Variants in MGLL observed in about 807,000 individuals in gnomAD.
MGLL encodes monoglyceride lipase.
In MGLL, 7 loss-of-function variants were observed where a neutral mutation model predicts 29.1. The observed-to-expected ratio is 0.24, with a 90% CI of 0.14 to 0.45. The LOEUF (loss-of-function observed/expected upper bound fraction) is 0.45, where lower values mean the gene tolerates loss of function less well. Ranked by LOEUF, MGLL falls within the 20% of genes least tolerant of loss-of-function variation. The probability of loss-of-function intolerance (pLI) is 0.99; values close to 1 mark genes in which losing one functional copy is unlikely to be tolerated. For missense variants in MGLL, 356 were observed against 413.6 expected (o/e 0.86, Z 1.21); for synonymous variants, 148 against 168.3 (o/e 0.88, Z 0.93).
chr3:127,735,597 TA>T, intron 3 of MGLL: 3 of 1,210,256 alleles, frequency 2.5e-6, no homozygotes, highest in South Asian at 1.6e-5. Context: ...ACACATAAAA[TA>T]AAAAAGCAAG....
chr3:127,699,888 CA>C (rs1392142741), intron 6 of MGLL, among the ~76,000 whole-genome samples: 1 of 152,212 alleles, frequency 6.6e-6, no homozygotes, highest in Non-Finnish European at 1.5e-5. Context: ...CTTCTGGGCA[CA>C]GACAGGCATG....
rs1230621820 is a variant in MGLL at position 127,761,959 on chromosome 3, C to A, written c.262+19830G>T. Among the ~76,000 whole-genome samples the A allele has an allele frequency of 6.6e-6, 1 of 151,836 alleles. No homozygotes were observed. Among genetic ancestry groups the A allele is most frequent in the Non-Finnish European group, 1.5e-5 (1 of 67,944 alleles). ...CCTTTACCTCTAACAGGGGAGAAAC[C>A]AAGACACCGAGAACACAGCTTAATA... On this transcript the variant is annotated intron_variant, in intron 3 of 7. Transcript: ENST00000265052. The surrounding 1 kb of genome is among the most constrained non-coding windows in gnomAD (Gnocchi z 4.6).
chr3:127,698,879 C>T (rs1309276307), intron 6 of MGLL, among the ~76,000 whole-genome samples: 4 of 152,242 alleles, frequency 2.6e-5, no homozygotes, highest in Non-Finnish European at 5.9e-5. Context: ...CGCCACCTTC[C>T]TGTTTGGCTC....
chr3:127,822,385 G>A lies in MGLL; in HGVS notation c.-67C>T, dbSNP rs2077878441. 3.5e-5 allele frequency: 55 copies of A among 1,578,318 alleles called. 2 individuals are homozygous for A. In the South Asian group the frequency reaches 6.0e-4, roughly 17 times the overall value. The stretch of plus-strand genomic sequence containing the variant: ...GAATCAGAACCAGGCAAATCGGGCT[G>A]TTCCCTCATCTGGGCGGCCCCAAGG... On this transcript the variant is annotated 5_prime_UTR_variant, in exon 1 of 8. An upstream open reading frame in the 5' UTR gains an earlier in-frame stop. Coordinates refer to ENST00000265052, the MANE Select transcript of MGLL (RefSeq NM_007283.7).
intron 2 of MGLL, among the ~76,000 whole-genome samples, chr3:127,810,319 T>G (rs972850228): frequency 1.3e-5 from 2 of 151,700 alleles, no homozygotes; most frequent in African/African-American, 4.8e-5. Flanking sequence ...CCCAGCAGAG[T>G]AGACAACAGC....
chr3:127,720,979 G>T, intron 5 of MGLL, 74 bp downstream of exon 5: 1 of 1,321,332 alleles, frequency 7.6e-7, no homozygotes, highest in Non-Finnish European at 1.1e-6. Context: ...TTTTTACATA[G>T]ACTCAGGCTA....
At chr3:127,768,170 TC>T (rs1311629457) in intron 3 of MGLL, among the ~76,000 whole-genome samples, 1 of 152,316 alleles carries the variant, frequency 6.6e-6, no homozygotes, top group Admixed American at 6.5e-5. Context: ...TTAAAATCCT[TC>T]CCGTAAAGAA....
chr3:127,803,804 G>A (rs1014774715), intron 2 of MGLL, among the ~76,000 whole-genome samples: 8 of 152,072 alleles, frequency 5.3e-5, no homozygotes, highest in African/African-American at 1.9e-4. Flanking sequence ...TCATTCCCTC[G>A]TTCATCCCAT....
intron 3 of MGLL, among the ~76,000 whole-genome samples, chr3:127,752,189 T>C (rs2076571899): frequency 2.0e-5 from 3 of 152,042 alleles, no homozygotes; most frequent in Admixed American, 6.5e-5. Context: ...CTCTGCCTCC[T>C]GGGTTCAAGA....
At chr3:127,695,261 G>A (rs570928858) in intron 6 of MGLL, 71 bp from the exon 7 acceptor site, 137 of 1,488,268 alleles carry the variant, frequency 9.2e-5, no homozygotes, top group Non-Finnish European at 1.2e-4. Flanking sequence ...CTATTTCCTG[G>A]TAGCTTTTCC....
In MGLL at chr3:127,805,163, T is replaced by C. The variant is rs181757456; in HGVS notation, c.155+16531A>G. ...TAAGAATGTGCTGGGCTCCATCTTA[T>C]GTAACATTCATTTTCTTTCCTGGAA... On this transcript the variant is annotated intron_variant, in intron 2 of 7. Transcript: ENST00000265052. 1.2e-3 allele frequency among the ~76,000 whole-genome samples: 178 copies of C among 152,344 alleles called. 1 individual carries two copies. The highest frequency in any genetic ancestry group is 3.7e-3 in the African/African-American group (154 of 41,578).
At chr3:127,809,544 T>G (rs1458976170) in intron 2 of MGLL, among the ~76,000 whole-genome samples, 1 of 152,070 alleles carries the variant, frequency 6.6e-6, no homozygotes, top group Non-Finnish European at 1.5e-5. Context: ...GAGGATCACC[T>G]GAGCCCAGGA....
chr3:127,800,471 A>G (rs1234039980), intron 2 of MGLL, among the ~76,000 whole-genome samples: 1 of 152,202 alleles, frequency 6.6e-6, no homozygotes, highest in Non-Finnish European at 1.5e-5. Flanking sequence ...CTGTTTCTTC[A>G]TCTGTGAAAT....
intron 5 of MGLL, chr3:127,714,284 A>G (rs2075774126): frequency 1.3e-5 from 2 of 152,182 alleles, no homozygotes; most frequent in African/African-American, 4.8e-5. Flanking sequence ...CTATTGCTGA[A>G]AGCGCAAACA....
chr3:127,751,536 C>T (rs184421860), intron 3 of MGLL, among the ~76,000 whole-genome samples: 4 of 152,050 alleles, frequency 2.6e-5, no homozygotes, highest in Admixed American at 6.5e-5. Context: ...GACACAGCTG[C>T]CATGCGACCT....
chr3:127,803,922 C>T (rs1345522848), intron 2 of MGLL, among the ~76,000 whole-genome samples: 2 of 152,178 alleles, frequency 1.3e-5, no homozygotes, highest in African/African-American at 4.8e-5. Context: ...TGGCTCAGGG[C>T]TCTTGAGTGT....
chr3:127,748,077 G>A (rs375263752), intron 3 of MGLL, among the ~76,000 whole-genome samples: 8 of 152,154 alleles, frequency 5.3e-5, no homozygotes, highest in East Asian at 1.9e-4. Flanking sequence ...CAAGAGACTC[G>A]GAGCATTCTA....
chr3:127,803,725 C>T (rs2077518205), intron 2 of MGLL, among the ~76,000 whole-genome samples: 1 of 152,148 alleles, frequency 6.6e-6, no homozygotes, highest in African/African-American at 2.4e-5. Context: ...CTGGTTGTGC[C>T]TGGGATGAGT....
intron 5 of MGLL, chr3:127,715,693 A>G (rs546327505): frequency 2.6e-4 from 117 of 456,746 alleles, no homozygotes; most frequent in Middle Eastern, 6.5e-4. Context: ...TTGAGGCGGC[A>G]TGACGAGGAA....
Sources: gnomAD v4.1 joint callset for allele counts (sites outside exome capture counted in the v4.1 genomes callset) on GRCh38, gnomAD v4.1.1 for gene constraint, Gnocchi (gnomAD v3.1) non-coding constraint, MANE v1.5 for transcripts, NCBI Gene and HGNC (gene_info 2026-07-23, HGNC 2026-07-21) for gene names.